Variants in ASIC2 observed in about 807,000 individuals in gnomAD.
ASIC2 encodes acid sensing ion channel subunit 2, also known as acid-sensing ion channel 2.
Under a neutral mutation model 57.3 loss-of-function variants are expected in ASIC2, and 25 were observed. The observed-to-expected ratio is 0.44, with a 90% CI of 0.32 to 0.61. The LOEUF (loss-of-function observed/expected upper bound fraction) is 0.61. Ranked by LOEUF, ASIC2 falls within the 20% of genes least tolerant of loss-of-function variation. ASIC2 has a pLI of 0.06. For missense variants in ASIC2, 641 were observed against 738.1 expected, an observed-to-expected ratio of 0.87 and a Z score of 1.52; for synonymous variants, 319 against 307.5, an observed-to-expected ratio of 1.04 and a Z score of -0.39.
intron 1 of ASIC2, among the ~76,000 whole-genome samples, chr17:34,145,722 G>A (rs1033989376): frequency 1.3e-5 from 2 of 152,146 alleles, no homozygotes; most frequent in African/African-American, 4.8e-5. Context: ...CACCCACTTC[G>A]CTTTTCATGC....
At chr17:33,473,327 C>G (rs1913115186) in intron 1 of ASIC2, among the ~76,000 whole-genome samples, 2 of 152,210 alleles carry the variant, frequency 1.3e-5, no homozygotes, top group African/African-American at 2.4e-5. Context: ...GGATAAACAT[C>G]CCATCGGCTT....
At chr17:33,756,885 T>C (rs1910620838) in intron 1 of ASIC2, among the ~76,000 whole-genome samples, 2 of 152,220 alleles carry the variant, frequency 1.3e-5, no homozygotes, top group Non-Finnish European at 2.9e-5. Context: ...CTTATAGTTC[T>C]GGACGAGATA....
At position 33,808,552 on chromosome 17, in the gene ASIC2, T is replaced by A. The variant is rs998014709; in HGVS notation, c.555+347426A>T. 3.9e-5 allele frequency among the ~76,000 whole-genome samples: 6 copies of A among 152,202 alleles called. No individual in the cohort carries two copies. The East Asian group carries it at 9.6e-4, about 24-fold the overall frequency. ...ATAGACTTTAGAGTCAGTTTGCCAATATCCACAGAATAACTTAATGGGATT... is the reference window on the plus strand; with the variant it reads ...ATAGACTTTAGAGTCAGTTTGCCAAAATCCACAGAATAACTTAATGGGATT... On this transcript the variant is annotated intron_variant, in intron 1 of 9. Coordinates refer to the ASIC2 transcript ENST00000359872.
chr17:33,055,282 T>G (rs148638280), intron 3 of ASIC2, among the ~76,000 whole-genome samples: 170 of 152,334 alleles, frequency 1.1e-3, no homozygotes, highest in Non-Finnish European at 1.9e-3. Flanking sequence ...CACTCAGTGC[T>G]GGCCACCCAA....
At chr17:33,483,145 C>T (rs533570306) in intron 1 of ASIC2, among the ~76,000 whole-genome samples, 46 of 152,326 alleles carry the variant, frequency 3.0e-4, no homozygotes, top group African/African-American at 9.9e-4. Flanking sequence ...CAGATCTACG[C>T]GGCCTCCTGA....
At chr17:33,330,400 G>A (rs1907264095) in intron 1 of ASIC2, among the ~76,000 whole-genome samples, 1 of 152,186 alleles carries the variant, frequency 6.6e-6, no homozygotes, top group Non-Finnish European at 1.5e-5. Context: ...ATCCCACAGA[G>A]TCAGTGACAA....
At chr17:33,984,775 C>T (rs546717746) in intron 1 of ASIC2, among the ~76,000 whole-genome samples, 12 of 152,162 alleles carry the variant, frequency 7.9e-5, no homozygotes, top group Admixed American at 3.3e-4. Flanking sequence ...GACACTATAG[C>T]TGTTGCTGAA....
intron 1 of ASIC2, among the ~76,000 whole-genome samples, chr17:34,139,627 A>G (rs544018963): frequency 6.6e-6 from 1 of 152,366 alleles, no homozygotes; most frequent in African/African-American, 2.4e-5. Context: ...CCTTGAAAAC[A>G]TTGTACTCAA....
intron 1 of ASIC2, among the ~76,000 whole-genome samples, chr17:33,817,554 C>T (rs1330696774): frequency 2.6e-5 from 4 of 152,138 alleles, no homozygotes; most frequent in Non-Finnish European, 4.4e-5. Flanking sequence ...ATTTCAGAGG[C>T]AGAGAATCTT....
At chr17:33,827,662 TGAAG>T (rs1229386969) in intron 1 of ASIC2, 2 of 152,048 alleles carry the variant, frequency 1.3e-5, no homozygotes, top group Non-Finnish European at 2.9e-5. Context: ...CTCTTATTTA[TGAAG>T]GAAGGACCAC....
At chr17:33,394,434 C>T (rs758120796) in intron 1 of ASIC2, among the ~76,000 whole-genome samples, 1 of 151,626 alleles carries the variant, frequency 6.6e-6, no homozygotes, top group Non-Finnish European at 1.5e-5. Flanking sequence ...AATTACTGGG[C>T]TGGGCCCACA....
At chr17:34,035,283 G>A (rs9747956) in intron 1 of ASIC2, among the ~76,000 whole-genome samples, 17,547 of 143,118 alleles carry the variant, frequency 0.12, 1,187 homozygotes, top group Admixed American at 0.18. Flanking sequence ...TTAATAAATG[G>A]TGCTGGGAAA....
At position 33,391,647 on chromosome 17, in the gene ASIC2, G is replaced by A. The variant is rs528253158; in HGVS notation, c.556-279580C>T. ...TGCACTCAATTCCCCCAATATCTAA[G>A]TGCCTTGACCTTGAGTTGCACTCAA... On this transcript the variant is annotated intron_variant, in intron 1 of 9. Coordinates refer to the ASIC2 transcript ENST00000359872. Among the ~76,000 whole-genome samples the A allele has an allele frequency of 2.0e-5, 3 of 152,158 alleles. No homozygotes were observed. The South Asian group carries it at 6.2e-4, about 32-fold the overall frequency.
chr17:33,916,960 A>G (rs1216159988), intron 1 of ASIC2, among the ~76,000 whole-genome samples: 1 of 152,190 alleles, frequency 6.6e-6, no homozygotes, highest in Non-Finnish European at 1.5e-5. Flanking sequence ...TGCTATTGGC[A>G]GACACTGGTG....
chr17:33,413,582 A>AT (rs1887156818), intron 1 of ASIC2, among the ~76,000 whole-genome samples: 1 of 151,860 alleles, frequency 6.6e-6, no homozygotes, highest in Non-Finnish European at 1.5e-5. Context: ...AGGCCCTTTT[A>AT]TTTTTCTCCC....
chr17:33,160,350 A>C (rs1052433956), intron 1 of ASIC2, among the ~76,000 whole-genome samples: 16 of 152,240 alleles, frequency 1.1e-4, no homozygotes, highest in African/African-American at 3.6e-4. Flanking sequence ...AATAGATAAG[A>C]AAATGGAGTC....
chr17:34,095,877 G>A (rs1047162667), intron 1 of ASIC2, among the ~76,000 whole-genome samples: 5 of 151,510 alleles, frequency 3.3e-5, no homozygotes, highest in African/African-American at 1.2e-4. Context: ...CACCTACTAT[G>A]TGGCACTGTA....
intron 1 of ASIC2, among the ~76,000 whole-genome samples, chr17:33,339,603 G>A (rs919071781): frequency 6.6e-6 from 1 of 152,248 alleles, no homozygotes; most frequent in East Asian, 1.9e-4. Flanking sequence ...GAAAGGGCCC[G>A]GCACGGTGTC....
intron 1 of ASIC2, among the ~76,000 whole-genome samples, chr17:33,504,793 C>T (rs1567633184): frequency 6.6e-6 from 1 of 152,180 alleles, no homozygotes; most frequent in Non-Finnish European, 1.5e-5. Context: ...TGATTGATTC[C>T]TGGGCTCAGT....
Sources: allele counts gnomAD v4.1 joint callset (sites outside exome capture counted in the v4.1 genomes callset), GRCh38; gene constraint gnomAD v4.1.1; transcripts MANE v1.5; gene names NCBI Gene and HGNC (gene_info 2026-07-23, HGNC 2026-07-21).